Variants in RAD51B observed in about 807,000 individuals in gnomAD.
The protein encoded by RAD51B is RAD51 paralog B.
A neutral mutation model predicts 42.2 loss-of-function variants in RAD51B; 38 were observed. The ratio of observed to expected loss-of-function variants is 0.90; its 90% CI spans 0.70 to 1.18. The LOEUF is 1.18. Ranked by LOEUF, RAD51B falls within the 50% of genes most tolerant of loss-of-function variation. RAD51B has a pLI of 0.00. For synonymous variants in RAD51B, 154 were observed against 145.2 expected (o/e 1.06, Z -0.43); for missense variants, 373 against 400.7 (o/e 0.93, Z 0.59).
chr14:68,254,933 T>C (rs966761124), intron 7 of RAD51B, among the ~76,000 whole-genome samples: 3 of 152,190 alleles, frequency 2.0e-5, no homozygotes, highest in Non-Finnish European at 2.9e-5. Flanking sequence ...TATATTCCTC[T>C]CTAGTGCTTT....
chr14:67,958,650 T>C (rs2074599113), intron 7 of RAD51B, among the ~76,000 whole-genome samples: 1 of 152,182 alleles, frequency 6.6e-6, no homozygotes, highest in Admixed American at 6.5e-5. Context: ...TTTTGAATAG[T>C]GTGGGATGAT....
intron 7 of RAD51B, among the ~76,000 whole-genome samples, chr14:68,077,820 G>A (rs907161333): frequency 3.9e-5 from 6 of 152,166 alleles, no homozygotes; most frequent in South Asian, 2.1e-4. Context: ...GCCGGGTGTC[G>A]TGGCGCAAGC....
chr14:68,049,661 T>C (rs963642122), intron 7 of RAD51B, among the ~76,000 whole-genome samples: 2 of 152,208 alleles, frequency 1.3e-5, no homozygotes, highest in African/African-American at 4.8e-5. Flanking sequence ...TGTAAGAGTT[T>C]CCAAACAATT....
In RAD51B at chr14:68,477,765, G is replaced by A. The variant is rs1882819491; in HGVS notation, c.*101G>A. ...AGGAAACGGAAGCTGACATAATGGG[G>A]ATTAATTAGTTGATTGCTGTTGAGA... On this transcript the variant is annotated 3_prime_UTR_variant, in exon 11 of 11. Transcript: ENST00000471583. 6.4e-7 allele frequency: 1 copy of A among 1,565,154 alleles called. No individual in the cohort carries two copies. The highest frequency in any genetic ancestry group is 8.6e-7 in the Non-Finnish European group (1 of 1,161,978).
chr14:68,491,336 G>A (rs1472742484), intron 10 of RAD51B, among the ~76,000 whole-genome samples: 1 of 152,212 alleles, frequency 6.6e-6, no homozygotes, highest in Admixed American at 6.5e-5. Context: ...AGGTAAGGAA[G>A]GATCTTTTGA....
intron 3 of RAD51B, among the ~76,000 whole-genome samples, chr14:67,831,629 C>T (rs1180274611): frequency 1.1e-4 from 16 of 152,066 alleles, no homozygotes; most frequent in African/African-American, 2.7e-4. Flanking sequence ...CTCCGCCTCC[C>T]GGGTTCAAGT....
intron 7 of RAD51B, among the ~76,000 whole-genome samples, chr14:68,159,582 T>C (rs1400353335): frequency 2.7e-5 from 4 of 150,308 alleles, no homozygotes; most frequent in African/African-American, 9.8e-5. Context: ...ATCGCACCAC[T>C]GTGCTCCAGC....
chr14:68,609,476 C>T (rs1891586977), intron 10 of RAD51B, among the ~76,000 whole-genome samples: 1 of 152,228 alleles, frequency 6.6e-6, no homozygotes. Flanking sequence ...CACCACCCTT[C>T]CTTCCCTCGA....
intron 8 of RAD51B, among the ~76,000 whole-genome samples, chr14:68,376,933 C>T (rs1394207453): frequency 1.3e-5 from 2 of 152,116 alleles, no homozygotes; most frequent in East Asian, 1.9e-4. Context: ...ATTCATAAAG[C>T]ACTTGAGTTC....
intron 7 of RAD51B, among the ~76,000 whole-genome samples, chr14:67,897,209 C>T (rs1468912414): frequency 6.6e-6 from 1 of 152,076 alleles, no homozygotes; most frequent in African/African-American, 2.4e-5. Flanking sequence ...GATATGACAA[C>T]AAATGCACAG....
rs184472507 is a variant in RAD51B, at chr14:67,888,687, T to G, written c.756+1483T>G. 1.4e-4 allele frequency among the ~76,000 whole-genome samples: 22 copies of G among 152,314 alleles called. No homozygotes were observed. The East Asian group carries it at 4.2e-3, about 29-fold the overall frequency. ...TTTTTCTTGTCATGATTCCCTATAG[T>G]TAAGCAGAGATTTACATAGCATGTA... On this transcript the variant is annotated intron_variant, in intron 7 of 10. Coordinates refer to ENST00000471583, the MANE Select transcript of RAD51B (RefSeq NM_133510.4).
chr14:68,396,245 TA>T (rs1314117633), intron 8 of RAD51B, among the ~76,000 whole-genome samples: 2 of 152,238 alleles, frequency 1.3e-5, no homozygotes, highest in African/African-American at 4.8e-5. Context: ...TTTTATCACG[TA>T]AAGCACTTGG....
At chr14:68,333,208 A>G (rs1234308243) in intron 8 of RAD51B, among the ~76,000 whole-genome samples, 2 of 152,194 alleles carry the variant, frequency 1.3e-5, no homozygotes, top group East Asian at 1.9e-4. Flanking sequence ...CCTTAATCAT[A>G]TCATCATATG....
At chr14:68,596,544 GC>G (rs1891006608), downstream of RAD51B, among the ~76,000 whole-genome samples, 1 of 152,192 alleles carries the variant, frequency 6.6e-6, no homozygotes, top group Non-Finnish European at 1.5e-5. Context: ...AGACAATTCA[GC>G]TTTTTTTTGT....
intron 10 of RAD51B, among the ~76,000 whole-genome samples, chr14:68,567,755 C>A (rs1889495195): frequency 6.6e-6 from 1 of 152,248 alleles, no homozygotes; most frequent in Admixed American, 6.5e-5. Context: ...TCTCCCTCTT[C>A]CCAGGATCCT....
intron 10 of RAD51B, among the ~76,000 whole-genome samples, chr14:68,542,717 G>A (rs1888031734): frequency 1.3e-5 from 2 of 152,082 alleles, no homozygotes; most frequent in African/African-American, 2.4e-5. Flanking sequence ...TCAAATTCTA[G>A]TACTTTCTGA....
At chr14:68,060,221 T>C (rs1291244789) in intron 7 of RAD51B, among the ~76,000 whole-genome samples, 1 of 152,230 alleles carries the variant, frequency 6.6e-6, no homozygotes, top group African/African-American at 2.4e-5. Flanking sequence ...ATGCACATGT[T>C]CCCATCAGCA....
intron 10 of RAD51B, among the ~76,000 whole-genome samples, chr14:68,483,963 C>A (rs988300891): frequency 3.7e-4 from 57 of 152,344 alleles, no homozygotes; most frequent in African/African-American, 1.2e-3. Flanking sequence ...CTCTTTGCTC[C>A]TTTCAACCAA....
chr14:67,848,161 G>T (rs1205246564), intron 4 of RAD51B, among the ~76,000 whole-genome samples: 5 of 152,104 alleles, frequency 3.3e-5, no homozygotes, highest in Non-Finnish European at 7.3e-5. Flanking sequence ...GGGATTACAG[G>T]CACGTGCCAC....
Sources: allele counts gnomAD v4.1 joint callset (sites outside exome capture counted in the v4.1 genomes callset), GRCh38; gene constraint gnomAD v4.1.1; transcripts MANE v1.5; gene names NCBI Gene and HGNC (gene_info 2026-07-23, HGNC 2026-07-21).